Variants in ZNF138 observed in about 807,000 individuals in gnomAD.
ZNF138 encodes zinc finger protein 138 (clone pHZ-32).
A neutral mutation model predicts 33.0 loss-of-function variants in ZNF138; 33 were observed. That is an observed-to-expected ratio of 1.00 (90% confidence interval 0.76 to 1.34). ZNF138 has a LOEUF of 1.34. Ranked by LOEUF, ZNF138 falls within the 40% of genes most tolerant of loss-of-function variation. The pLI is 0.00. For missense variants in ZNF138, 360 were observed against 370.8 expected, an observed-to-expected ratio of 0.97 and a Z score of 0.24; for synonymous variants, 139 against 120.4, an observed-to-expected ratio of 1.15 and a Z score of -1.01.
downstream of ZNF138, among the ~76,000 whole-genome samples, chr7:64,837,278 T>G (rs550193929): frequency 1.1e-4 from 17 of 152,032 alleles, no homozygotes; most frequent in Non-Finnish European, 2.4e-4. Context: ...AGAATTACCA[T>G]GTAGGGGCCT....
the ZNF138 span, among the ~76,000 whole-genome samples, chr7:64,843,831 AT>A: frequency 6.7e-6 from 1 of 150,360 alleles, no homozygotes; most frequent in Non-Finnish European, 1.5e-5. Flanking sequence ...TATTTTTTTT[AT>A]TTTTTTGTTT....
intron 3 of ZNF138, among the ~76,000 whole-genome samples, chr7:64,827,029 C>A (rs1489544011): frequency 2.0e-5 from 3 of 151,896 alleles, no homozygotes; most frequent in Non-Finnish European, 2.9e-5. Flanking sequence ...TGTCTATATA[C>A]ATTTATAATA....
the ZNF138 span, among the ~76,000 whole-genome samples, chr7:64,849,192 A>T: frequency 1.1e-4 from 16 of 152,198 alleles, no homozygotes; most frequent in Admixed American, 1.0e-3. Flanking sequence ...GCTTCTTGAG[A>T]GCCAAGCTGT....
intron 1 of ZNF138, among the ~76,000 whole-genome samples, chr7:64,813,885 C>T (rs1788389578): frequency 6.6e-6 from 1 of 152,188 alleles, no homozygotes; most frequent in Non-Finnish European, 1.5e-5. Context: ...TTAAAGAGCT[C>T]TTGGACAGAT....
At chr7:64,823,313 C>T (rs913169571) in intron 3 of ZNF138, among the ~76,000 whole-genome samples, 9 of 152,066 alleles carry the variant, frequency 5.9e-5, no homozygotes, top group South Asian at 2.1e-4. Flanking sequence ...AGAAAACACA[C>T]AGTGTATGAT....
At chr7:64,820,801 T>C (rs1429007714) in intron 3 of ZNF138, among the ~76,000 whole-genome samples, 1 of 151,554 alleles carries the variant, frequency 6.6e-6, no homozygotes, top group African/African-American at 2.4e-5. Context: ...TGATCTCAAG[T>C]GATCTGCTTG....
At chr7:64,852,336 G>A in the ZNF138 span, 17 of 1,107,262 alleles carry the variant, frequency 1.5e-5, no homozygotes, top group Admixed American at 2.1e-5. Context: ...TAATTGAAGC[G>A]ATGATAAAGG....
the ZNF138 span, among the ~76,000 whole-genome samples, chr7:64,840,946 CTT>C: frequency 6.6e-6 from 1 of 151,912 alleles, no homozygotes; most frequent in African/African-American, 2.4e-5. Context: ...AATAAGGTGA[CTT>C]ATTAACTGAA....
downstream of ZNF138, among the ~76,000 whole-genome samples, chr7:64,837,075 G>C (rs1374125950): frequency 6.6e-6 from 1 of 152,200 alleles, no homozygotes; most frequent in African/African-American, 2.4e-5. Flanking sequence ...CTTTCCTCGA[G>C]AAGAACCTGA....
At chr7:64,807,391 C>T (rs1316148548) in intron 1 of ZNF138, among the ~76,000 whole-genome samples, 1 of 152,218 alleles carries the variant, frequency 6.6e-6, no homozygotes, top group Non-Finnish European at 1.5e-5. Flanking sequence ...AGATTTCAGG[C>T]AACTTGAATC....
intron 3 of ZNF138, among the ~76,000 whole-genome samples, chr7:64,819,171 T>A (rs1409507732): frequency 2.6e-5 from 4 of 152,176 alleles, no homozygotes; most frequent in Non-Finnish European, 5.9e-5. Context: ...TGTATGTGTT[T>A]TATTTACAAA....
downstream of ZNF138, among the ~76,000 whole-genome samples, chr7:64,834,490 A>G (rs982839978): frequency 2.6e-5 from 4 of 152,234 alleles, no homozygotes; most frequent in Non-Finnish European, 5.9e-5. Context: ...AGTTACAATT[A>G]CATTCAAAGT....
At chr7:64,853,450 C>T in the ZNF138 span, 67 of 656,802 alleles carry the variant, frequency 1.0e-4, no homozygotes, top group African/African-American at 6.0e-4. Context: ...CTTTGCGCCC[C>T]GAGTTAAACT....
chr7:64,804,987 A>G (rs1205061056), intron 1 of ZNF138, among the ~76,000 whole-genome samples: 1 of 152,080 alleles, frequency 6.6e-6, no homozygotes, highest in Non-Finnish European at 1.5e-5. Context: ...TTGAGACCCT[A>G]TTTCTATCCC....
At chr7:64,840,417 T>G in the ZNF138 span, among the ~76,000 whole-genome samples, 1 of 152,174 alleles carries the variant, frequency 6.6e-6, no homozygotes, top group African/African-American at 2.4e-5. Flanking sequence ...AATTTTTTAT[T>G]TATAATTTAA....
At chr7:64,811,401 A>G (rs1300437232) in intron 1 of ZNF138, among the ~76,000 whole-genome samples, 10 of 152,104 alleles carry the variant, frequency 6.6e-5, no homozygotes, top group East Asian at 1.9e-4. Flanking sequence ...GCTGGAGTGC[A>G]ATGGTGGGAT....
chr7:64,859,361 T>A, the ZNF138 span, among the ~76,000 whole-genome samples: 3 of 152,236 alleles, frequency 2.0e-5, no homozygotes, highest in Admixed American at 6.5e-5. Flanking sequence ...TTTTTTTAGG[T>A]ACATTAAGGA....
intron 1 of ZNF138, among the ~76,000 whole-genome samples, chr7:64,796,011 T>G (rs1399674287): frequency 6.6e-6 from 1 of 152,214 alleles, no homozygotes; most frequent in Non-Finnish European, 1.5e-5. Context: ...CCTGGTGTAC[T>G]CTTCCTTTGA....
chr7:64,851,757 G>A, the ZNF138 span, among the ~76,000 whole-genome samples: 1 of 152,098 alleles, frequency 6.6e-6, no homozygotes, highest in Non-Finnish European at 1.5e-5. Context: ...ATGTCAGGAA[G>A]CCTCCAAAAA....
Sources: allele counts gnomAD v4.1 joint callset (sites outside exome capture counted in the v4.1 genomes callset), GRCh38; gene constraint gnomAD v4.1.1; transcripts MANE v1.5; gene names NCBI Gene and HGNC (gene_info 2026-07-23, HGNC 2026-07-21).